Variants in SLC10A7 observed in about 807,000 individuals in gnomAD.
SLC10A7 encodes the protein solute carrier family 10 member 7.
A neutral mutation model predicts 43.2 loss-of-function variants in SLC10A7; 29 were observed. The ratio of observed to expected loss-of-function variants is 0.67; its 90% CI spans 0.50 to 0.92. SLC10A7 has a LOEUF of 0.92. Ranked by LOEUF, SLC10A7 falls within the 40% of genes least tolerant of loss-of-function variation. The probability of loss-of-function intolerance (pLI) is 0.00; values close to 1 mark genes in which losing one functional copy is unlikely to be tolerated. For synonymous variants in SLC10A7, 152 were observed against 144.8 expected, an observed-to-expected ratio of 1.05 and a Z score of -0.35; for missense variants, 295 against 403.2, an observed-to-expected ratio of 0.73 and a Z score of 2.30.
intron 5 of SLC10A7, among the ~76,000 whole-genome samples, chr4:146,417,144 T>C (rs1333200199): frequency 6.6e-6 from 1 of 152,244 alleles, no homozygotes; most frequent in African/African-American, 2.4e-5. Context: ...TACATTTTCA[T>C]AGCCTCACTA....
At chr4:146,298,797 C>T (rs188165284) in intron 7 of SLC10A7, among the ~76,000 whole-genome samples, 43 of 152,290 alleles carry the variant, frequency 2.8e-4, no homozygotes, top group African/African-American at 1.0e-3. Flanking sequence ...TATGGAAAGA[C>T]TAATCTTATC....
intron 4 of SLC10A7, among the ~76,000 whole-genome samples, chr4:146,482,076 T>C (rs1734522471): frequency 6.6e-6 from 1 of 152,210 alleles, no homozygotes; most frequent in Admixed American, 6.5e-5. Context: ...CACTATAATC[T>C]GTCCAACTGC....
At chr4:146,376,775 T>C (rs2262884) in intron 5 of SLC10A7, among the ~76,000 whole-genome samples, 1,600 of 152,352 alleles carry the variant, frequency 0.011, 23 homozygotes, top group African/African-American at 0.036. Context: ...TTGCCGCGAC[T>C]GTATATTGAA....
At chr4:146,379,574 T>C (rs1737452830) in intron 5 of SLC10A7, among the ~76,000 whole-genome samples, 1 of 152,148 alleles carries the variant, frequency 6.6e-6, no homozygotes, top group Non-Finnish European at 1.5e-5. Flanking sequence ...CCAGAATAAC[T>C]GAAGAGATCA....
At chr4:146,488,996 T>C (rs1409663126) in intron 4 of SLC10A7, among the ~76,000 whole-genome samples, 1 of 152,144 alleles carries the variant, frequency 6.6e-6, no homozygotes, top group Non-Finnish European at 1.5e-5. Context: ...GATACAACTG[T>C]GAATAAGAAG....
chr4:146,286,137 T>C (rs62327812), intron 9 of SLC10A7, among the ~76,000 whole-genome samples: 1 of 58,374 alleles, frequency 1.7e-5, no homozygotes, highest in South Asian at 5.9e-4. Context: ...TGTGTTTGGA[T>C]TGGTGAGAAG....
intron 6 of SLC10A7, among the ~76,000 whole-genome samples, chr4:146,325,178 A>G (rs1488887221): frequency 1.3e-5 from 2 of 152,222 alleles, no homozygotes; most frequent in East Asian, 3.8e-4. Context: ...CATCCCCACT[A>G]CATTTCAGTG....
At chr4:146,270,670 T>C (rs2111048087) in intron 10 of SLC10A7, among the ~76,000 whole-genome samples, 1 of 152,170 alleles carries the variant, frequency 6.6e-6, no homozygotes, top group East Asian at 1.9e-4. Flanking sequence ...TGCGGTGGAG[T>C]CAGAGGACTC....
chr4:146,517,149 G>A (rs1395571978), intron 1 of SLC10A7, 29 bp from the exon 2 acceptor site: 1 of 1,550,018 alleles, frequency 6.5e-7, no homozygotes, highest in Non-Finnish European at 8.8e-7. Flanking sequence ...GTTATTGCTA[G>A]AAAAGAATTT....
chr4:146,464,500 T>C (rs1220409154), intron 4 of SLC10A7, among the ~76,000 whole-genome samples: 1 of 152,144 alleles, frequency 6.6e-6, no homozygotes, highest in East Asian at 1.9e-4. Context: ...AAAATTTTAT[T>C]AAATAGTGAT....
intron 5 of SLC10A7, among the ~76,000 whole-genome samples, chr4:146,362,564 C>T (rs1210340533): frequency 1.3e-5 from 2 of 151,908 alleles, no homozygotes; most frequent in Admixed American, 6.6e-5. Context: ...ATACAGAATA[C>T]TCTAATAATG....
chr4:146,324,734 G>C (rs904791709), intron 6 of SLC10A7, among the ~76,000 whole-genome samples: 1 of 152,122 alleles, frequency 6.6e-6, no homozygotes, highest in Non-Finnish European at 1.5e-5. Flanking sequence ...ACATCTAGTA[G>C]CAGGTAGTTA....
chr4:146,325,891 A>G (rs1393191535), intron 6 of SLC10A7, 70 bp downstream of exon 6: 1 of 1,371,076 alleles, frequency 7.3e-7, no homozygotes, highest in Middle Eastern at 2.0e-4. Flanking sequence ...TTTTTGTTCT[A>G]ATGACCTTTC....
In SLC10A7 at chr4:146,503,916, G is replaced by A. The variant is rs1055901451; in HGVS notation, c.329C>T (p.Thr110Ile). 6.2e-7 allele frequency: 1 copy of A among 1,613,786 alleles called. No homozygotes were observed. Among genetic ancestry groups the A allele is most frequent in the African/African-American group, 1.3e-5 (1 of 74,912 alleles). The change falls in exon 4 of 12, where the codon ACA becomes ATA. Residue 110 changes from threonine to isoleucine, a missense_variant. Transcript: ENST00000335472. ...INEWLLKGLQTVGCMPPPVSS... is the reference protein window; with the variant it reads ...INEWLLKGLQIVGCMPPPVSS... Reference sequence around the variant, plus strand: ...CACAGGCGGAGGCATGCAACCTACTGTCTGCAAACTGAAAAATAAAAGAAA... The same window carrying A: ...CACAGGCGGAGGCATGCAACCTACTATCTGCAAACTGAAAAATAAAAGAAA...
chr4:146,279,707 C>T (rs1729425293), intron 10 of SLC10A7, among the ~76,000 whole-genome samples: 1 of 152,132 alleles, frequency 6.6e-6, no homozygotes, highest in African/African-American at 2.4e-5. Context: ...TTCAGGCCTC[C>T]TCTTTCTTCC....
intron 5 of SLC10A7, among the ~76,000 whole-genome samples, chr4:146,349,303 AC>A (rs1212844606): frequency 5.9e-5 from 9 of 152,216 alleles, no homozygotes; most frequent in Non-Finnish European, 1.2e-4. Flanking sequence ...AATCAAAACC[AC>A]AATGAGACAC....
intron 5 of SLC10A7, among the ~76,000 whole-genome samples, chr4:146,330,414 A>G (rs58800297): frequency 0.063 from 9,652 of 152,230 alleles, 400 homozygotes; most frequent in South Asian, 0.18. Context: ...TGTCTCCAGG[A>G]TACTGCATTA....
intron 5 of SLC10A7, among the ~76,000 whole-genome samples, chr4:146,329,553 C>A (rs1578898890): frequency 6.6e-6 from 1 of 152,136 alleles, no homozygotes; most frequent in Non-Finnish European, 1.5e-5. Flanking sequence ...AGGAATTGAA[C>A]CTCCCCTTGA....
chr4:146,423,588 C>T (rs540072068), intron 5 of SLC10A7, among the ~76,000 whole-genome samples: 12 of 152,004 alleles, frequency 7.9e-5, no homozygotes, highest in African/African-American at 2.7e-4. Context: ...AACACCAAAG[C>T]GAGGTGGTAA....
Sources: gnomAD v4.1 joint callset for allele counts (sites outside exome capture counted in the v4.1 genomes callset) on GRCh38, gnomAD v4.1.1 for gene constraint, MANE v1.5 for transcripts, NCBI Gene and HGNC (gene_info 2026-07-23, HGNC 2026-07-21) for gene names.